The following CCNJ variants were observed in gnomAD, a reference collection of about 807,000 sequenced individuals.
CCNJ encodes cyclin-J.
CCNJ carries 12 observed loss-of-function variants against 41.4 expected under a neutral mutation model. The ratio of observed to expected loss-of-function variants is 0.29; its 90% CI spans 0.19 to 0.47. The LOEUF (loss-of-function observed/expected upper bound fraction) is 0.47. Among genes scored for constraint, CCNJ ranks in the 20% least tolerant of loss-of-function variants. The pLI is 1.00. For synonymous variants in CCNJ, 161 were observed against 173.4 expected, an observed-to-expected ratio of 0.93 and a Z score of 0.56; for missense variants, 340 against 464.6, an observed-to-expected ratio of 0.73 and a Z score of 2.47.
At chr10:96,048,790 A>G (rs2080436956) in intron 2 of CCNJ, among the ~76,000 whole-genome samples, 1 of 152,216 alleles carries the variant, frequency 6.6e-6, no homozygotes, top group South Asian at 2.1e-4. Context: ...TACTCCATGT[A>G]TATACCACAT....
intron 2 of CCNJ, among the ~76,000 whole-genome samples, chr10:96,045,034 T>G (rs1051735235): frequency 5.9e-5 from 9 of 152,200 alleles, no homozygotes; most frequent in African/African-American, 2.2e-4. Flanking sequence ...TGATAACTTC[T>G]TATCACTTAC....
intron 3 of CCNJ, among the ~76,000 whole-genome samples, chr10:96,051,266 C>T (rs1383210798): frequency 1.3e-5 from 2 of 152,150 alleles, no homozygotes; most frequent in East Asian, 1.9e-4. Flanking sequence ...TCTTCCTATA[C>T]CTCATTTCAT....
intron 2 of CCNJ, among the ~76,000 whole-genome samples, chr10:96,045,121 A>G (rs1383045687): frequency 6.6e-6 from 1 of 152,254 alleles, no homozygotes; most frequent in East Asian, 1.9e-4. Context: ...TCAAAGGCAG[A>G]AAGTAGACTT....
At chr10:96,043,742 G>T in intron 1 of CCNJ, 23 bp downstream of exon 1, 1 of 389,600 alleles carries the variant, frequency 2.6e-6, no homozygotes, top group South Asian at 1.4e-4. Flanking sequence ...GCGTGGGGCC[G>T]GGCGGCCCGG....
chr10:96,044,320 C>G (rs1470292360), intron 1 of CCNJ, 33 bp from the exon 2 acceptor site: 6 of 1,244,834 alleles, frequency 4.8e-6, no homozygotes, highest in Admixed American at 2.9e-5. Flanking sequence ...GCGGGGGAGC[C>G]GGCAGTGACC....
rs1480863560 is a variant in CCNJ, at chr10:96,060,315, T to C, written c.*2074T>C. ...CTTAATGTCTTGTCAAATACTTTTA[T>C]TGATTGGTTTATATGCCATTCTTGT... On this transcript the variant is annotated 3_prime_UTR_variant, in exon 6 of 6. Transcript: ENST00000465148. 2.6e-5 allele frequency: 4 copies of C among 152,624 alleles called. No homozygotes were observed. Among genetic ancestry groups the C allele is most frequent in the African/African-American group, 7.2e-5 (3 of 41,438 alleles). The allele number at this position is 152,624 out of a possible 1,614,324, so 9.5% of individuals were successfully genotyped here.
At chr10:96,047,976 C>T (rs1393550791) in intron 2 of CCNJ, among the ~76,000 whole-genome samples, 2 of 149,912 alleles carry the variant, frequency 1.3e-5, no homozygotes, top group Non-Finnish European at 3.0e-5. Flanking sequence ...GTGTTGTTCC[C>T]CGCAACATGT....
At chr10:96,047,787 A>G (rs2080405953) in intron 2 of CCNJ, among the ~76,000 whole-genome samples, 1 of 151,958 alleles carries the variant, frequency 6.6e-6, no homozygotes, top group African/African-American at 2.4e-5. Context: ...TTTTTCCCCA[A>G]CTTTTAAGTT....
At chr10:96,055,802 T>C (rs1024809645) in intron 3 of CCNJ, among the ~76,000 whole-genome samples, 1 of 152,202 alleles carries the variant, frequency 6.6e-6, no homozygotes, top group Admixed American at 6.5e-5. Flanking sequence ...CCCATGCCCC[T>C]TTTTTCTTTA....
At chr10:96,048,154 T>A (rs2080417001) in intron 2 of CCNJ, among the ~76,000 whole-genome samples, 1 of 152,224 alleles carries the variant, frequency 6.6e-6, no homozygotes, top group Non-Finnish European at 1.5e-5. Flanking sequence ...TTCCATGGTC[T>A]GTATGTACCA....
At chr10:96,050,208 G>T in intron 2 of CCNJ, 48 bp from the exon 3 acceptor site, 1 of 1,208,544 alleles carries the variant, frequency 8.3e-7, no homozygotes, top group Non-Finnish European at 1.2e-6. Context: ...GCCTTGTGGG[G>T]ATACGCCTAC....
chr10:96,053,919 T>C (rs1390194937), intron 3 of CCNJ, among the ~76,000 whole-genome samples: 2 of 152,196 alleles, frequency 1.3e-5, no homozygotes, highest in African/African-American at 2.4e-5. Context: ...TGATAATTCT[T>C]AGTGTATGTT....
chr10:96,053,409 G>A (rs2080587425), intron 3 of CCNJ, among the ~76,000 whole-genome samples: 1 of 152,176 alleles, frequency 6.6e-6, no homozygotes, highest in Admixed American at 6.5e-5. Context: ...TAAAAGATTA[G>A]CATGGTAATT....
chr10:96,060,069 A>C lies in CCNJ; in HGVS notation c.*1828A>C, dbSNP rs770426846. 3 of 152,624 alleles carry C rather than the reference A, an allele frequency of 2.0e-5. No homozygotes were observed. Among genetic ancestry groups the C allele is most frequent in the Non-Finnish European group, 4.4e-5 (3 of 68,038 alleles). The allele number at this position is 152,624 out of a possible 1,614,324, so 9.5% of individuals were successfully genotyped here. On this transcript the variant is annotated 3_prime_UTR_variant, in exon 6 of 6. Transcript: ENST00000465148. The stretch of plus-strand genomic sequence containing the variant: ...GAAAGTATCATCACTTTTCCTTTTT[A>C]AAGAAGGCTGCTAATTGGATTTTGG...
chr10:96,057,763 C>T (rs774031554), intron 5 of CCNJ, 67 bp from the exon 6 acceptor site: 4 of 1,453,624 alleles, frequency 2.8e-6, no homozygotes, highest in Non-Finnish European at 3.8e-6. Flanking sequence ...GGGGATGGGG[C>T]ATGATTTTCT....
chr10:96,051,330 T>G (rs1248006175), intron 3 of CCNJ, among the ~76,000 whole-genome samples: 3 of 149,746 alleles, frequency 2.0e-5, no homozygotes, highest in African/African-American at 4.9e-5. Context: ...TGAAATTGTG[T>G]TTTTTTTTCT....
intron 3 of CCNJ, among the ~76,000 whole-genome samples, chr10:96,055,529 A>G (rs1564706357): frequency 6.6e-6 from 1 of 152,350 alleles, no homozygotes; most frequent in South Asian, 2.1e-4. Flanking sequence ...AGTTCTAGAA[A>G]TACTTACTAA....
intron 2 of CCNJ, 43 bp downstream of exon 2, chr10:96,044,505 G>T: frequency 7.1e-7 from 1 of 1,399,470 alleles, no homozygotes; most frequent in Non-Finnish European, 9.5e-7. Context: ...TGTGTGTCGC[G>T]CCAGTTGTTC....
chr10:96,052,102 C>T (rs566353604), intron 3 of CCNJ, among the ~76,000 whole-genome samples: 36 of 152,296 alleles, frequency 2.4e-4, no homozygotes, highest in Admixed American at 2.2e-3. Context: ...ATCCCCCTAC[C>T]CAGGAGCCAG....
Sources: gnomAD v4.1 joint callset for allele counts (sites outside exome capture counted in the v4.1 genomes callset) on GRCh38, gnomAD v4.1.1 for gene constraint, MANE v1.5 for transcripts, NCBI Gene and HGNC (gene_info 2026-07-23, HGNC 2026-07-21) for gene names.